CBL: variants seen among roughly 807,000 people sequenced by gnomAD.
The protein encoded by CBL is Cbl proto-oncogene, also known as E3 ubiquitin-protein ligase CBL.
Under a neutral mutation model 96.9 loss-of-function variants are expected in CBL, and 45 were observed. The observed-to-expected ratio is 0.46, with a 90% CI of 0.37 to 0.60. The LOEUF (loss-of-function observed/expected upper bound fraction) is 0.60. Among genes scored for constraint, CBL ranks in the 20% least tolerant of loss-of-function variants. The probability of loss-of-function intolerance (pLI) is 0.00; values close to 1 mark genes in which losing one functional copy is unlikely to be tolerated. For missense variants in CBL, 1,024 were observed against 1,143.5 expected (o/e 0.90, Z 1.51); for synonymous variants, 420 against 426.8 (o/e 0.98, Z 0.20).
In CBL at chr11:119,287,601, A is replaced by G. The variant is rs534730954; in HGVS notation, c.1942-251A>G. ...TTTGTGTAGATAGCCAATTTACTCA[A>G]ATCTTTTTAGAATTAAACCAAAAAG... On this transcript the variant is annotated intron_variant, in intron 11 of 15. Coordinates refer to ENST00000264033, the MANE Select transcript of CBL (RefSeq NM_005188.4). Among the ~76,000 whole-genome samples the G allele has an allele frequency of 2.0e-5, 3 of 152,032 alleles. No homozygotes were observed. The South Asian group carries it at 6.2e-4, about 32-fold the overall frequency.
chr11:119,215,255 T>A (rs1040381167), intron 1 of CBL, among the ~76,000 whole-genome samples: 5 of 152,144 alleles, frequency 3.3e-5, no homozygotes, highest in African/African-American at 1.2e-4. Flanking sequence ...AGTATACATA[T>A]AATGAACCTG....
chr11:119,251,061 CTA>C (rs1228057050), intron 2 of CBL, among the ~76,000 whole-genome samples: 2 of 152,238 alleles, frequency 1.3e-5, no homozygotes, highest in Admixed American at 6.5e-5. Context: ...TTGTCCCAGT[CTA>C]AAATTTAATT....
chr11:119,254,018 A>G (rs1949692314), intron 2 of CBL, among the ~76,000 whole-genome samples: 1 of 147,416 alleles, frequency 6.8e-6, no homozygotes, highest in African/African-American at 2.5e-5. Flanking sequence ...AAAAGGACAT[A>G]CACTGATTGA....
At chr11:119,267,420 A>G (rs1411780461) in intron 2 of CBL, among the ~76,000 whole-genome samples, 4 of 152,152 alleles carry the variant, frequency 2.6e-5, no homozygotes, top group African/African-American at 9.7e-5. Context: ...CTTTGATCCA[A>G]CATAGTGCTA....
chr11:119,211,352 A>G (rs765549759), intron 1 of CBL, among the ~76,000 whole-genome samples: 1 of 151,946 alleles, frequency 6.6e-6, no homozygotes, highest in African/African-American at 2.4e-5. Flanking sequence ...AGCCTGGGCA[A>G]CAAGAGTGAA....
chr11:119,274,808 C>A (rs2135300379), intron 4 of CBL, 24 bp from the exon 5 acceptor site: 1 of 1,600,816 alleles, frequency 6.2e-7, no homozygotes, highest in Non-Finnish European at 8.5e-7. Context: ...CCTGAATAGT[C>A]TGTGATTGAT....
intron 2 of CBL, among the ~76,000 whole-genome samples, chr11:119,248,295 A>G (rs1044801672): frequency 6.6e-6 from 1 of 152,252 alleles, no homozygotes; most frequent in Non-Finnish European, 1.5e-5. Flanking sequence ...GTAGACTAGA[A>G]TTGAGAGCCC....
intron 1 of CBL, among the ~76,000 whole-genome samples, chr11:119,221,344 G>A (rs754484481): frequency 5.3e-5 from 8 of 151,932 alleles, no homozygotes; most frequent in Non-Finnish European, 1.2e-4. Context: ...TTGAGCCTAG[G>A]AGTTCAAGAC....
Position 119,232,428 on chromosome 11 carries a change from T to TC in CBL, c.196-20_196-19insC, listed in dbSNP as rs1177023841. On this transcript the variant is annotated intron_variant, in intron 1 of 15. Transcript: ENST00000264033. ...CTTAAAATTCTCCAAGTAATAGCCC[T>TC]TCTTTTTCATTTGTTGCAGGTGGTG... is the stretch of plus-strand genomic sequence containing the variant. The TC allele has an allele frequency of 6.2e-7, 1 of 1,612,316 alleles. No homozygotes were observed. Among genetic ancestry groups the TC allele is most frequent in the Non-Finnish European group, 8.5e-7 (1 of 1,179,882 alleles).
chr11:119,264,451 TC>T (rs201162977), intron 2 of CBL, among the ~76,000 whole-genome samples: 4 of 138,036 alleles, frequency 2.9e-5, no homozygotes, highest in Non-Finnish European at 4.8e-5. Context: ...CTTTCTCTTC[TC>T]TTCTCTTCTC....
intron 2 of CBL, among the ~76,000 whole-genome samples, chr11:119,237,555 G>A (rs944119763): frequency 1.3e-4 from 20 of 152,002 alleles, no homozygotes; most frequent in African/African-American, 4.1e-4. Flanking sequence ...GTTAATTTTT[G>A]TATATGGTAT....
chr11:119,206,667 CG>C, intron 1 of CBL, 55 bp downstream of exon 1: 1 of 1,139,282 alleles, frequency 8.8e-7, no homozygotes, highest in Non-Finnish European at 1.1e-6. Context: ...CGGAGGGCCG[CG>C]GGGAGGGGAA....
chr11:119,213,259 ATTAG>A (rs1259169270), intron 1 of CBL, among the ~76,000 whole-genome samples: 1 of 152,178 alleles, frequency 6.6e-6, no homozygotes, highest in African/African-American at 2.4e-5. Context: ...GAATTTGCAA[ATTAG>A]TATATAGCAT....
intron 12 of CBL, among the ~76,000 whole-genome samples, chr11:119,296,684 G>A (rs141409384): frequency 1.3e-5 from 2 of 152,290 alleles, no homozygotes; most frequent in African/African-American, 2.4e-5. Flanking sequence ...GATTAGCCCA[G>A]TATATCACCT....
rs398017760 is a variant in CBL, at chr11:119,283,625, C to CT, written c.1432-1314dup. The stretch of plus-strand genomic sequence containing the variant: ...AAATATTAATCCTTTTTAATTCTTT[C>CT]TTTTTTTTTTTTTTTTTTTTTTTTT... On this transcript the variant is annotated intron_variant, in intron 9 of 15. Transcript: ENST00000264033. 7.4e-3 allele frequency among the ~76,000 whole-genome samples: 337 copies of CT among 45,520 alleles called. 46 individuals carry two copies. The highest frequency in any genetic ancestry group is 0.031 in the Middle Eastern group (1 of 32). The allele number at this position is 45,520 out of a possible 152,430, so 29.9% of individuals were successfully genotyped here.
chr11:119,275,865 A>AG, intron 5 of CBL, 132 bp from the exon 6 acceptor site: 2 of 969,800 alleles, frequency 2.1e-6, no homozygotes, highest in Non-Finnish European at 3.3e-6. Context: ...CCATCTTAAA[A>AG]AAAGAAAGAA....
chr11:119,254,412 A>T (rs985137021), intron 2 of CBL, among the ~76,000 whole-genome samples: 2 of 152,144 alleles, frequency 1.3e-5, no homozygotes, highest in African/African-American at 4.8e-5. Flanking sequence ...GAGTGTACTT[A>T]CAGAAACCTA....
At chr11:119,262,160 C>G (rs1444001325) in intron 2 of CBL, among the ~76,000 whole-genome samples, 2 of 152,132 alleles carry the variant, frequency 1.3e-5, no homozygotes, top group Non-Finnish European at 2.9e-5. Flanking sequence ...AAACTCGTAA[C>G]TCCAGTCAAA....
chr11:119,281,492 G>GT (rs1949932941), intron 9 of CBL, among the ~76,000 whole-genome samples: 1 of 138,870 alleles, frequency 7.2e-6, no homozygotes, highest in African/African-American at 2.9e-5. Flanking sequence ...GTCACCAAAA[G>GT]CCTTTTTTTT....
Sources: gnomAD v4.1 joint callset for allele counts (sites outside exome capture counted in the v4.1 genomes callset) on GRCh38, gnomAD v4.1.1 for gene constraint, MANE v1.5 for transcripts, NCBI Gene and HGNC (gene_info 2026-07-23, HGNC 2026-07-21) for gene names.